Variants in CDAN1 observed in about 807,000 individuals in gnomAD.
CDAN1 encodes codanin 1, also known as codanin-1.
Under a neutral mutation model 139.8 loss-of-function variants are expected in CDAN1, and 107 were observed. That is an observed-to-expected ratio of 0.77 (90% CI 0.65 to 0.90). CDAN1 has a LOEUF of 0.90. Ranked by LOEUF, CDAN1 falls within the 40% of genes least tolerant of loss-of-function variation. The pLI is 0.00. For missense variants in CDAN1, 1,667 were observed against 1,575.7 expected (o/e 1.06, Z -0.98); for synonymous variants, 776 against 660.6 (o/e 1.17, Z -2.68).
At chr15:42,724,798 G>A in intron 27 of CDAN1, 182 bp from the exon 28 acceptor site, 1 of 787,896 alleles carries the variant, frequency 1.3e-6, no homozygotes, top group Non-Finnish European at 2.1e-6. Flanking sequence ...GTTATGGCAG[G>A]GAGCGAACTC....
chr15:42,728,545 AAGG>A lies in CDAN1; in HGVS notation c.2804+104_2804+106del, dbSNP rs1393376658. On this transcript the variant is annotated intron_variant, in intron 20 of 27. Coordinates refer to ENST00000356231, the MANE Select transcript of CDAN1 (RefSeq NM_138477.4). The stretch of plus-strand genomic sequence containing the variant: ...GAGAATGGGCGCAGGGAGAAGAAAA[AAGG>A]AGGCATGAAGAGAAGAAAGGGAAAA... The A allele has an allele frequency of 1.4e-5, 20 of 1,478,022 alleles. No individual in the cohort carries two copies. In the East Asian group the frequency reaches 2.5e-4, roughly 18 times the overall value. The allele number at this position is 1,478,022 out of a possible 1,614,324, so 91.6% of individuals were successfully genotyped here.
In CDAN1 at chr15:42,727,698, G is replaced by A. The variant is rs142276684; in HGVS notation, c.3019C>T (p.Arg1007Trp). 169 of 1,584,490 alleles carry A rather than the reference G, an allele frequency of 1.1e-4. 1 individual carries two copies. The highest frequency in any genetic ancestry group is 8.9e-4 in the South Asian group (78 of 87,778). Reference protein sequence around the residue: ...LRAQGPEPAARGERRGCSRAC... With the variant: ...LRAQGPEPAAWGERRGCSRAC... ...CGGGAGCAGCCCCTCCGCTCCCCCC[G>A]GGCAGCAGGTTCAGGACCCTGGGCT... The change falls in exon 23 of 28, where the codon CGG (arginine) becomes TGG (tryptophan). Residue 1007 changes from arginine (R) to tryptophan (W), a missense_variant. Coordinates refer to ENST00000356231, the MANE Select transcript of CDAN1 (RefSeq NM_138477.4).
At chr15:42,733,031 C>T in intron 9 of CDAN1, 66 bp downstream of exon 9, 2 of 1,393,164 alleles carry the variant, frequency 1.4e-6, no homozygotes, top group Non-Finnish European at 2.0e-6. Context: ...CTCCTCCCTC[C>T]TGCCACCGAG....
At chr15:42,725,042 C>T in intron 27 of CDAN1, 102 bp downstream of exon 27, 2 of 984,066 alleles carry the variant, frequency 2.0e-6, no homozygotes, top group Non-Finnish European at 3.2e-6. Context: ...AGACTCTTGA[C>T]AAAAATCCAC....
rs1383085978 is a variant in CDAN1 at position 42,730,123 on chromosome 15, C to A, written c.2262+5G>T. The A allele has an allele frequency of 1.2e-6, 2 of 1,613,552 alleles. No individual in the cohort carries two copies. The highest frequency in any genetic ancestry group is 1.7e-6 in the Non-Finnish European group (2 of 1,179,584). On this transcript the variant is annotated splice_donor_5th_base_variant and intron_variant, in intron 15 of 27. Coordinates refer to ENST00000356231, the MANE Select transcript of CDAN1 (RefSeq NM_138477.4). ...CTCTCCAATCTGGACCCTCACTCTGCCCACCTGGAAAAGCCAGCCCAGGAC... is the reference window on the plus strand; with the variant it reads ...CTCTCCAATCTGGACCCTCACTCTGACCACCTGGAAAAGCCAGCCCAGGAC...
chr15:42,725,951 G>A, intron 25 of CDAN1, 146 bp downstream of exon 25: 2 of 800,474 alleles, frequency 2.5e-6, no homozygotes, highest in South Asian at 3.2e-5. Flanking sequence ...ACTCCAGCCT[G>A]GGCAACAGAA....
At chr15:42,731,539 C>T in intron 11 of CDAN1, 81 bp downstream of exon 11, 1 of 1,505,980 alleles carries the variant, frequency 6.6e-7, no homozygotes, top group Admixed American at 1.7e-5. Context: ...GCAAAGGAGA[C>T]TGGAGAACTA....
In CDAN1 at chr15:42,735,498, G is replaced by A. The variant is rs749637861; in HGVS notation, c.943+12C>T. 12 of 1,613,962 alleles carry A rather than the reference G, an allele frequency of 7.4e-6. No homozygotes were observed. The highest frequency in any genetic ancestry group is 6.7e-5 in the East Asian group (3 of 44,898). On this transcript the variant is annotated intron_variant, in intron 4 of 27. Transcript: ENST00000356231. ...AAGTGTCTCCACTCCCGCTCCCTCCGCTCTCACTCACCAGCAATGCACGAG... is the reference window on the plus strand; with the variant it reads ...AAGTGTCTCCACTCCCGCTCCCTCCACTCTCACTCACCAGCAATGCACGAG...
chr15:42,731,623 C>T lies in CDAN1; in HGVS notation c.1736G>A (p.Ser579Asn), dbSNP rs1168302899. ...TGCAAGACACAGGGGAGCCTACCTG[C>T]TGGCACTAAGGATGAAGTCCCTAAA... ...GFFRDFILSA[S>N]SFQFNQHLMD... The change falls in exon 11 of 28, where the codon AGC becomes AAC. Residue 579 changes from serine (S) to asparagine (N), a missense_variant. Ser to Asn is a conservative substitution (Grantham distance 46, BLOSUM62 1). Around this residue, in one of 3 missense-constraint regions of CDAN1, gnomAD observed 936 missense variants for 844.1 expected, o/e 1.11. Transcript: ENST00000356231. 6.2e-7 allele frequency: 1 copy of T among 1,613,892 alleles called. No individual in the cohort carries two copies. Among genetic ancestry groups the T allele is most frequent in the African/African-American group, 1.3e-5 (1 of 74,948 alleles).
intron 10 of CDAN1, 117 bp downstream of exon 10, chr15:42,732,216 T>TG (rs2061622929): frequency 9.8e-7 from 1 of 1,015,288 alleles, no homozygotes; most frequent in Admixed American, 1.8e-5. Flanking sequence ...GAACTCTTGT[T>TG]CAAATTCCAG....
chr15:42,728,937 C>T (rs1053850745), intron 19 of CDAN1, 86 bp downstream of exon 19: 6 of 1,576,216 alleles, frequency 3.8e-6, no homozygotes, highest in Non-Finnish European at 5.2e-6. Context: ...CACCCACCCT[C>T]TGGCTGACCT....
At position 42,731,614 on chromosome 15, in the gene CDAN1, G is replaced by A; in HGVS notation, c.1739+6C>T. The A allele has an allele frequency of 2.5e-6, 4 of 1,613,794 alleles. No individual in the cohort carries two copies. The highest frequency in any genetic ancestry group is 4.5e-5 in the East Asian group (2 of 44,880). On this transcript the variant is annotated splice_donor_region_variant and intron_variant, in intron 11 of 27. Transcript: ENST00000356231. ...CCCATTCCTTGCAAGACACAGGGGA[G>A]CCTACCTGCTGGCACTAAGGATGAA...
chr15:42,724,380 G>T lies in CDAN1; in HGVS notation c.*111C>A. 1 of 1,420,256 alleles carries T rather than the reference G, an allele frequency of 7.0e-7. No individual in the cohort carries two copies. Among genetic ancestry groups the T allele is most frequent in the Non-Finnish European group, 9.6e-7 (1 of 1,041,432 alleles). The allele number at this position is 1,420,256 out of a possible 1,614,324, so 88.0% of individuals were successfully genotyped here. A position where few individuals can be genotyped will look rare whatever the true frequency, so the allele number is the denominator to read the frequency against. Reference sequence around the variant, plus strand: ...CCTTAGAGCAGGAAGTCTGACTGTAGACCCAGCTACACCCCAACCAGTGAG... The same window carrying T: ...CCTTAGAGCAGGAAGTCTGACTGTATACCCAGCTACACCCCAACCAGTGAG... On this transcript the variant is annotated 3_prime_UTR_variant, in exon 28 of 28. Transcript: ENST00000356231.
Position 42,729,125 on chromosome 15 carries a change from G to A in CDAN1, c.2543C>T (p.Ala848Val). The change falls in exon 19 of 28, where the codon GCA (alanine) becomes GTA (valine). Residue 848 changes from alanine to valine, a missense_variant and splice_region_variant. Ala to Val is a moderately conservative substitution (Grantham distance 64, BLOSUM62 0). Coordinates refer to ENST00000356231, the MANE Select transcript of CDAN1 (RefSeq NM_138477.4). The stretch of plus-strand genomic sequence containing the variant: ...GTGGAAAAAGGCCTGGGCGAGCTGT[G>A]CCTGGGGGGAGGAGGGAGAGGCAGC... Reference protein sequence around the residue: ...QPSQTSQGLQAQLAQAFFHNQ... With the variant: ...QPSQTSQGLQVQLAQAFFHNQ... 6.2e-7 allele frequency: 1 copy of A among 1,614,182 alleles called. No individual in the cohort carries two copies. The highest frequency in any genetic ancestry group is 8.5e-7 in the Non-Finnish European group (1 of 1,180,022).
At position 42,731,639 on chromosome 15, in the gene CDAN1, A is replaced by G. The variant is rs775052876; in HGVS notation, c.1720T>C (p.Phe574Leu). Residue 574 changes from phenylalanine (F) to leucine (L), a missense_variant, in exon 11 of 28, where the codon TTC becomes CTC. By Grantham distance (22) the Phe-to-Leu change is conservative. This residue lies in a region of CDAN1 where 936 missense variants were observed against 844.1 expected (regional missense o/e 1.11). Coordinates refer to ENST00000356231, the MANE Select transcript of CDAN1 (RefSeq NM_138477.4). Reference protein sequence around the residue: ...FPGCQGFFRDFILSASSFQFN... With the variant: ...FPGCQGFFRDLILSASSFQFN... ...GCCTACCTGCTGGCACTAAGGATGA[A>G]GTCCCTAAAGAAGCCTTGACAGCCT... 6.2e-7 allele frequency: 1 copy of G among 1,614,106 alleles called. No individual in the cohort carries two copies. The highest frequency in any genetic ancestry group is 1.7e-5 in the Admixed American group (1 of 60,030).
chr15:42,728,095 G>C (rs1202278619), intron 21 of CDAN1, 62 bp from the exon 22 acceptor site: 1 of 1,592,890 alleles, frequency 6.3e-7, no homozygotes, highest in South Asian at 1.1e-5. Context: ...AAGGATGCCA[G>C]AGTCGAGCAC....
At position 42,731,762 on chromosome 15, in the gene CDAN1, T is replaced by TA. The variant is rs778822407; in HGVS notation, c.1596dup (p.Met533TyrfsTer5). 1.2e-6 allele frequency: 2 copies of TA among 1,614,124 alleles called. No individual in the cohort carries two copies. The highest frequency in any genetic ancestry group is 1.7e-6 in the Non-Finnish European group (2 of 1,180,040). ...CGCCCCAGCTTGTCAGCTCCCAGCA[T>TA]ACTCAACACATCTGGGGCCTCGCCC... On this transcript the variant is annotated frameshift_variant, in exon 11 of 28. Transcript: ENST00000356231. LOFTEE classifies it high-confidence loss of function.
chr15:42,737,127 C>G lies in CDAN1; in HGVS notation c.-25G>C, dbSNP rs751980588. On this transcript the variant is annotated 5_prime_UTR_variant, in exon 1 of 28. Coordinates refer to ENST00000356231, the MANE Select transcript of CDAN1 (RefSeq NM_138477.4). The stretch of plus-strand genomic sequence containing the variant: ...TCCCGGTCGGGGCGCTCTGGGGCGA[C>G]TGCGCAGGCGCCGGCGCGCCGCGGG... 2.0e-5 allele frequency: 28 copies of G among 1,430,992 alleles called. No individual in the cohort carries two copies. The South Asian group carries it at 3.8e-4, about 19-fold the overall frequency. 88.6% of individuals were successfully genotyped at this position (1,430,992 alleles called of 1,614,324 possible).
chr15:42,731,724 T>C lies in CDAN1; in HGVS notation c.1635A>G (p.Leu545=). ...TCTGAGGAGCCATAAGCCGTTCCTG[T>C]AGGCGCCACAACCGCCCCAGCTTGT... The part of the protein sequence containing the change: ...GADKLGRLWR[L]QERLMAPQSS... The change falls in exon 11 of 28, where the codon CTA becomes CTG. Residue 545 remains leucine, a synonymous_variant. Coordinates refer to ENST00000356231, the MANE Select transcript of CDAN1 (RefSeq NM_138477.4). The C allele has an allele frequency of 5.6e-6, 9 of 1,614,128 alleles. No individual in the cohort carries two copies. Among genetic ancestry groups the C allele is most frequent in the Non-Finnish European group, 6.8e-6 (8 of 1,180,030 alleles).
Sources: gnomAD v4.1 joint callset for allele counts on GRCh38, gnomAD v4.1.1 for gene constraint, gnomAD v4.1.1 regional missense constraint, MANE v1.5 for transcripts, NCBI Gene and HGNC (gene_info 2026-07-23, HGNC 2026-07-21) for gene names.